Variants in UNC79 observed in about 807,000 individuals in gnomAD.
UNC79 encodes protein unc-79 homolog.
UNC79 carries 37 observed loss-of-function variants against 283.1 expected under a neutral mutation model. The ratio of observed to expected loss-of-function variants is 0.13; its 90% CI spans 0.10 to 0.17. UNC79 has a LOEUF of 0.17. Ranked by LOEUF, UNC79 falls within the 10% of genes least tolerant of loss-of-function variation. The pLI is 1.00. For missense variants in UNC79, 2,272 were observed against 3,211.1 expected, an observed-to-expected ratio of 0.71 and a Z score of 7.07; for synonymous variants, 1,107 against 1,200.2, an observed-to-expected ratio of 0.92 and a Z score of 1.61.
chr14:93,684,895 A>G (rs116241562), intron 42 of UNC79, among the ~76,000 whole-genome samples: 2,047 of 152,336 alleles, frequency 0.013, 43 homozygotes, highest in African/African-American at 0.047. Flanking sequence ...TAGTTTTCCT[A>G]TGAAATAAAT....
intron 30 of UNC79, among the ~76,000 whole-genome samples, chr14:93,630,501 A>G (rs1414204339): frequency 6.6e-6 from 1 of 152,232 alleles, no homozygotes; most frequent in Non-Finnish European, 1.5e-5. Context: ...AATTTAGTAC[A>G]GAAAGGTTAA....
At chr14:93,647,688 G>GATGC (rs748755057) in intron 35 of UNC79, among the ~76,000 whole-genome samples, 23 of 152,278 alleles carry the variant, frequency 1.5e-4, no homozygotes, top group Non-Finnish European at 2.8e-4. Context: ...TCATTTTAAG[G>GATGC]ATGCAGCAGG....
intron 1 of UNC79, among the ~76,000 whole-genome samples, chr14:93,398,708 C>T (rs1399993416): frequency 6.6e-6 from 1 of 152,162 alleles, no homozygotes; most frequent in Non-Finnish European, 1.5e-5. Flanking sequence ...TTGTAATCTA[C>T]AAACACAGAA....
intron 1 of UNC79, among the ~76,000 whole-genome samples, chr14:93,405,571 C>T (rs1344537490): frequency 6.6e-6 from 1 of 152,112 alleles, no homozygotes; most frequent in Non-Finnish European, 1.5e-5. Context: ...AAACATTGAT[C>T]ACCTTTCCAT....
chr14:93,702,750 CT>C (rs1460519484), intron 47 of UNC79, among the ~76,000 whole-genome samples: 1 of 152,186 alleles, frequency 6.6e-6, no homozygotes, highest in East Asian at 1.9e-4. Context: ...CTTCTTTGAC[CT>C]TTTCCTCACT....
chr14:93,497,349 C>T, intron 7 of UNC79, 63 bp downstream of exon 7: 2 of 1,529,826 alleles, frequency 1.3e-6, no homozygotes, highest in Non-Finnish European at 8.7e-7. Context: ...CTGGCCTCAC[C>T]TACTTATACA....
intron 23 of UNC79, among the ~76,000 whole-genome samples, chr14:93,596,929 A>G (rs921316886): frequency 2.6e-5 from 4 of 152,222 alleles, no homozygotes; most frequent in Non-Finnish European, 5.9e-5. Flanking sequence ...CTAAGAGTAG[A>G]GCAGGGGACC....
Position 93,370,935 on chromosome 14 carries a change from G to GA in UNC79, c.-351+37421dup, listed in dbSNP as rs535271826. 1.6e-3 allele frequency among the ~76,000 whole-genome samples: 242 copies of GA among 149,852 alleles called. 1 individual carries two copies. The highest frequency in any genetic ancestry group is 2.8e-3 in the Non-Finnish European group (190 of 67,312). On this transcript the variant is annotated intron_variant, in intron 1 of 49. Coordinates refer to the UNC79 transcript ENST00000256339. Reference sequence around the variant, plus strand: ...ATGGGAATACTAGAGGGAGAAGATAGAAAAAAAAATAGAAGAATTATTTGA... The same window carrying GA: ...ATGGGAATACTAGAGGGAGAAGATAGAAAAAAAAAATAGAAGAATTATTTGA...
chr14:93,490,222 T>C (rs2058656269), intron 5 of UNC79, among the ~76,000 whole-genome samples: 1 of 152,154 alleles, frequency 6.6e-6, no homozygotes, highest in African/African-American at 2.4e-5. Flanking sequence ...CATTCTTCCA[T>C]TGTTTTGGAC....
intron 7 of UNC79, among the ~76,000 whole-genome samples, chr14:93,513,832 C>T (rs1398165080): frequency 6.6e-6 from 1 of 152,194 alleles, no homozygotes; most frequent in Non-Finnish European, 1.5e-5. Flanking sequence ...TTCCCAAGGA[C>T]TTAAATTTAT....
intron 1 of UNC79, among the ~76,000 whole-genome samples, chr14:93,381,544 G>A (rs779157563): frequency 5.3e-5 from 8 of 152,192 alleles, no homozygotes; most frequent in South Asian, 2.1e-4. Context: ...CTCAAGAAGC[G>A]TGCTACTGGT....
chr14:93,585,125 G>C (rs534739078), intron 20 of UNC79, among the ~76,000 whole-genome samples: 1 of 152,118 alleles, frequency 6.6e-6, no homozygotes, highest in Non-Finnish European at 1.5e-5. Context: ...CTCTTTTCCT[G>C]CTCAGACTCT....
chr14:93,544,732 C>T (rs2061521667), intron 14 of UNC79, among the ~76,000 whole-genome samples: 1 of 152,162 alleles, frequency 6.6e-6, no homozygotes, highest in Non-Finnish European at 1.5e-5. Context: ...CAGAAAAGCA[C>T]AGATTAATGG....
chr14:93,538,190 C>A, exon 12 of UNC79: 1 of 1,606,450 alleles, frequency 6.2e-7, no homozygotes, highest in South Asian at 1.1e-5. Context: ...CGCTGAGGAG[C>A]TGGTCTGCGC....
chr14:93,399,084 G>A (rs1284571246), intron 1 of UNC79, among the ~76,000 whole-genome samples: 1 of 152,174 alleles, frequency 6.6e-6, no homozygotes, highest in Non-Finnish European at 1.5e-5. Flanking sequence ...AGGAGGGAGT[G>A]TGAGCATGTG....
At chr14:93,395,647 T>C (rs1464223244) in intron 1 of UNC79, among the ~76,000 whole-genome samples, 1 of 152,158 alleles carries the variant, frequency 6.6e-6, no homozygotes, top group Non-Finnish European at 1.5e-5. Context: ...ATATCAATAG[T>C]TTTGCTGGCT....
chr14:93,381,397 T>C (rs1385736827), intron 1 of UNC79, among the ~76,000 whole-genome samples: 1 of 152,158 alleles, frequency 6.6e-6, no homozygotes, highest in African/African-American at 2.4e-5. Context: ...TGGAGCTTCA[T>C]GTATGTGTCC....
chr14:93,571,792 A>T (rs1020577740), intron 14 of UNC79, 102 bp from the exon 15 acceptor site: 1 of 1,217,416 alleles, frequency 8.2e-7, no homozygotes, highest in Non-Finnish European at 1.1e-6. Flanking sequence ...GACATGATGG[A>T]TTGTGGCCTT....
upstream of UNC79, among the ~76,000 whole-genome samples, chr14:93,428,172 GGAAATGGA>G (rs1181446389): frequency 6.6e-6 from 1 of 152,158 alleles, no homozygotes; most frequent in African/African-American, 2.4e-5. Context: ...AGGGTAGTGA[GGAAATGGA>G]GAAATGGAGG....
Sources: gnomAD v4.1 joint callset for allele counts (sites outside exome capture counted in the v4.1 genomes callset) on GRCh38, gnomAD v4.1.1 for gene constraint, MANE v1.5 for transcripts, NCBI Gene and HGNC (gene_info 2026-07-23, HGNC 2026-07-21) for gene names.